C2orf72: variants seen among roughly 807,000 people sequenced by gnomAD.
C2orf72 encodes uncharacterized protein C2orf72.
C2orf72 carries 16 observed loss-of-function variants against 14.4 expected under a neutral mutation model. The ratio of observed to expected loss-of-function variants is 1.11; its 90% confidence interval spans 0.75 to 1.69. The LOEUF (loss-of-function observed/expected upper bound fraction) is 1.69. Among genes scored for constraint, C2orf72 ranks in the 40% most tolerant of loss-of-function variants. The pLI, the probability that C2orf72 is intolerant of heterozygous loss-of-function variation, is 0.00. For synonymous variants in C2orf72, 168 were observed against 176.8 expected, an observed-to-expected ratio of 0.95 and a Z score of 0.40; for missense variants, 371 against 358.3, an observed-to-expected ratio of 1.04 and a Z score of -0.29.
At chr2:231,038,905 G>A (rs562298024) in intron 1 of C2orf72, among the ~76,000 whole-genome samples, 4 of 152,280 alleles carry the variant, frequency 2.6e-5, no homozygotes, top group Non-Finnish European at 4.4e-5. Flanking sequence ...ACATTCTCCT[G>A]AAAGGTGGAA....
rs1215430716 is a variant in C2orf72 at position 231,049,479 on chromosome 2, G to C, written c.*2458G>C. ...CTTGATGGTGGGTCCCCTCCCTGAA[G>C]GACTTTAAGAAGGCATAAAGGGGTT... is the stretch of plus-strand genomic sequence containing the variant. On this transcript the variant is annotated 3_prime_UTR_variant, in exon 3 of 3. Coordinates refer to ENST00000373640, the MANE Select transcript of C2orf72 (RefSeq NM_001144994.2). 1.3e-5 allele frequency: 2 copies of C among 152,230 alleles called. No individual in the cohort carries two copies. The highest frequency in any genetic ancestry group is 4.8e-5 in the African/African-American group (2 of 41,434). The allele number at this position is 152,230 out of a possible 1,614,324, so 9.4% of individuals were successfully genotyped here.
chr2:231,038,463 T>G (rs1191574350), intron 1 of C2orf72, among the ~76,000 whole-genome samples: 9 of 93,086 alleles, frequency 9.7e-5, no homozygotes, highest in South Asian at 3.9e-4. Flanking sequence ...GCAGAGGGAG[T>G]GGGTAGAGAG....
Position 231,037,681 on chromosome 2 carries a change from T to G in C2orf72, c.116T>G (p.Leu39Arg). Residue 39 changes from leucine (L) to arginine (R), a missense_variant, in exon 1 of 3, where the codon CTG becomes CGG. Leu to Arg is a moderately radical substitution (Grantham distance 102). Coordinates refer to ENST00000373640, the MANE Select transcript of C2orf72 (RefSeq NM_001144994.2). ...GRGQVLLVGE[L>R]WEREQSRALL... ...GGGCAGGTGCTGCTGGTGGGCGAGC[T>G]GTGGGAGCGCGAACAGAGCCGCGCG... 9.2e-7 allele frequency: 1 copy of G among 1,085,964 alleles called. No homozygotes were observed. The highest frequency in any genetic ancestry group is 1.1e-6 in the Non-Finnish European group (1 of 894,028). 67.3% of individuals were successfully genotyped at this position (1,085,964 alleles called of 1,614,324 possible). A position where few individuals can be genotyped will look rare whatever the true frequency, so the allele number is the denominator to read the frequency against.
rs549326609 is a variant in C2orf72 at position 231,042,965 on chromosome 2, T to C, written c.748+1556T>C. On this transcript the variant is annotated intron_variant, in intron 2 of 2. Transcript: ENST00000373640. ...GTTGCAGTGAGCCAAGGTTGTGCCA[T>C]TGCACTCCAGCCTAGGCAACAAGAG... 7.2e-5 allele frequency among the ~76,000 whole-genome samples: 11 copies of C among 152,314 alleles called. No homozygotes were observed. In the East Asian group the frequency reaches 1.4e-3, roughly 19 times the overall value.
At chr2:231,039,945 A>T (rs1290955988) in intron 1 of C2orf72, among the ~76,000 whole-genome samples, 1 of 151,858 alleles carries the variant, frequency 6.6e-6, no homozygotes, top group Non-Finnish European at 1.5e-5. Flanking sequence ...GTTTCGCCAT[A>T]TTGACCAGGC....
intron 1 of C2orf72, among the ~76,000 whole-genome samples, chr2:231,040,659 T>C (rs886981923): frequency 3.3e-5 from 5 of 152,270 alleles, no homozygotes; most frequent in Non-Finnish European, 7.3e-5. Flanking sequence ...CACCGTCTGA[T>C]GATAATTCTT....
At chr2:231,044,506 A>AAAAC (rs922883488) in intron 2 of C2orf72, among the ~76,000 whole-genome samples, 1 of 152,178 alleles carries the variant, frequency 6.6e-6, no homozygotes, top group Non-Finnish European at 1.5e-5. Context: ...AGACTGTCTC[A>AAAAC]AAACAAACAA....
Position 231,049,112 on chromosome 2 carries a change from C to G in C2orf72, c.*2091C>G, listed in dbSNP as rs1054562173. 1 of 152,146 alleles carries G rather than the reference C, an allele frequency of 6.6e-6. No individual in the cohort carries two copies. The highest frequency in any genetic ancestry group is 1.5e-5 in the Non-Finnish European group (1 of 68,036). The allele number at this position is 152,146 out of a possible 1,614,324, so 9.4% of individuals were successfully genotyped here. On this transcript the variant is annotated 3_prime_UTR_variant, in exon 3 of 3. Coordinates refer to ENST00000373640, the MANE Select transcript of C2orf72 (RefSeq NM_001144994.2). ...TCTCAAGTCTGCTGCGGCTCACCCCCACCACCTTTACCCCCTCCCCCGCCC... is the reference window on the plus strand; with the variant it reads ...TCTCAAGTCTGCTGCGGCTCACCCCGACCACCTTTACCCCCTCCCCCGCCC...
chr2:231,044,040 G>A (rs1420983662), intron 2 of C2orf72, among the ~76,000 whole-genome samples: 1 of 152,140 alleles, frequency 6.6e-6, no homozygotes, highest in Non-Finnish European at 1.5e-5. Flanking sequence ...GTAACACAAT[G>A]GTAAGTAGCT....
At position 231,037,876 on chromosome 2, in the gene C2orf72, C is replaced by A. The variant is rs931370334; in HGVS notation, c.311C>A (p.Ser104Ter). 4.1e-6 allele frequency: 4 copies of A among 980,484 alleles called. No individual in the cohort carries two copies. Among genetic ancestry groups the A allele is most frequent in the Non-Finnish European group, 4.8e-6 (4 of 828,924 alleles). The allele number at this position is 980,484 out of a possible 1,614,324, so 60.7% of individuals were successfully genotyped here. A position where few individuals can be genotyped will look rare whatever the true frequency, so the allele number is the denominator to read the frequency against. ...GCGGCGGCGGCGCGCGCCATCCGCT[C>A]GCCGCTGGTCTTCGTGCTGTGCCGC... is the stretch of plus-strand genomic sequence containing the variant. ...AAAAAARAIR[S>*]PLVFVLCRAS... The change falls in exon 1 of 3, where the codon TCG becomes TAG. Residue 104 changes from serine (S) to a stop codon, truncating the protein, a stop_gained. Transcript: ENST00000373640. LOFTEE classifies it high-confidence loss of function.
At chr2:231,045,281 T>TTA (rs201711257) in intron 2 of C2orf72, among the ~76,000 whole-genome samples, 21 of 150,930 alleles carry the variant, frequency 1.4e-4, no homozygotes, top group East Asian at 9.7e-4. Flanking sequence ...AATAATAATT[T>TTA]TATATATATA....
chr2:231,041,163 T>A, intron 1 of C2orf72, 133 bp from the exon 2 acceptor site: 1 of 611,588 alleles, frequency 1.6e-6, no homozygotes, highest in Non-Finnish European at 2.7e-6. Context: ...CAAATCAGAC[T>A]CTGTGTTTTT....
At chr2:231,045,366 A>G (rs1693402392) in intron 2 of C2orf72, among the ~76,000 whole-genome samples, 2 of 152,198 alleles carry the variant, frequency 1.3e-5, no homozygotes, top group African/African-American at 4.8e-5. Context: ...ATATAATTGT[A>G]TGTACTAGAC....
At chr2:231,043,408 A>G (rs989933126) in intron 2 of C2orf72, among the ~76,000 whole-genome samples, 53 of 152,196 alleles carry the variant, frequency 3.5e-4, no homozygotes, top group Admixed American at 1.3e-4. Flanking sequence ...ACAAAAAAAA[A>G]AAAGAAAGAA....
At chr2:231,046,291 A>AGTGTGTGTGTGTGT (rs34513584) in intron 2 of C2orf72, among the ~76,000 whole-genome samples, 2 of 136,182 alleles carry the variant, frequency 1.5e-5, no homozygotes, top group East Asian at 4.3e-4. Context: ...ACTTCTATGC[A>AGTGTGTGTGTGTGT]GTGTGTGTGT....
chr2:231,048,197 T>C lies in C2orf72; in HGVS notation c.*1176T>C, dbSNP rs76192311. The C allele has an allele frequency of 1.9e-3, 284 of 152,340 alleles. 1 individual carries two copies. The highest frequency in any genetic ancestry group is 6.4e-3 in the African/African-American group (265 of 41,566). The allele number at this position is 152,340 out of a possible 1,614,324, so 9.4% of individuals were successfully genotyped here. ...GGAGGGAACTCACCATTACCTCCCT[T>C]GTCTTCTTTGCCTGCCTTGGAGAAA... On this transcript the variant is annotated 3_prime_UTR_variant, in exon 3 of 3. Transcript: ENST00000373640.
chr2:231,044,666 AT>A (rs934535205), intron 2 of C2orf72, among the ~76,000 whole-genome samples: 257 of 115,084 alleles, frequency 2.2e-3, no homozygotes, highest in Middle Eastern at 9.9e-3. Context: ...TCCTATTTTA[AT>A]TTTTTTTTTT....
At chr2:231,039,223 A>G (rs1275034977) in intron 1 of C2orf72, among the ~76,000 whole-genome samples, 3 of 151,922 alleles carry the variant, frequency 2.0e-5, no homozygotes, top group Admixed American at 2.0e-4. Context: ...ACCTAATGCT[A>G]AATGACGAGT....
At position 231,047,098 on chromosome 2, in the gene C2orf72, C is replaced by G; in HGVS notation, c.*77C>G. 6.5e-7 allele frequency: 1 copy of G among 1,531,566 alleles called. No homozygotes were observed. The highest frequency in any genetic ancestry group is 8.9e-7 in the Non-Finnish European group (1 of 1,129,630). The allele number at this position is 1,531,566 out of a possible 1,614,324, so 94.9% of individuals were successfully genotyped here. A position where few individuals can be genotyped will look rare whatever the true frequency, so the allele number is the denominator to read the frequency against. On this transcript the variant is annotated 3_prime_UTR_variant, in exon 3 of 3. Transcript: ENST00000373640. ...CTCCGTCTTACTGGCCCCCAGGTCT[C>G]CATGGAGACTGCAGAAACCCCCGCC...
Sources: allele counts gnomAD v4.1 joint callset (sites outside exome capture counted in the v4.1 genomes callset), GRCh38; gene constraint gnomAD v4.1.1; transcripts MANE v1.5; gene names NCBI Gene and HGNC (gene_info 2026-07-23, HGNC 2026-07-21).